Variants in CNTNAP2 observed in about 807,000 individuals in gnomAD.
The protein encoded by CNTNAP2 is contactin associated protein 2.
A neutral mutation model predicts 155.2 loss-of-function variants in CNTNAP2; 98 were observed. That is an observed-to-expected ratio of 0.63 (90% confidence interval 0.54 to 0.75). The LOEUF is 0.75. Ranked by LOEUF, CNTNAP2 falls within the 30% of genes least tolerant of loss-of-function variation. The probability of loss-of-function intolerance (pLI) is 0.00; values close to 1 mark genes in which losing one functional copy is unlikely to be tolerated. For synonymous variants in CNTNAP2, 651 were observed against 631.2 expected (o/e 1.03, Z -0.47); for missense variants, 1,727 against 1,688.1 (o/e 1.02, Z -0.40).
intron 1 of CNTNAP2, among the ~76,000 whole-genome samples, chr7:146,452,583 T>C (rs1431801139): frequency 2.0e-5 from 3 of 152,360 alleles, no homozygotes; most frequent in Non-Finnish European, 4.4e-5. Context: ...TAAGACATCT[T>C]TTGTTATCAG....
chr7:146,812,446 A>G (rs1361947945), intron 2 of CNTNAP2, among the ~76,000 whole-genome samples: 4 of 139,340 alleles, frequency 2.9e-5, no homozygotes, highest in African/African-American at 1.0e-4. Context: ...TATATAAAAA[A>G]TATATATATA....
At chr7:147,822,775 C>T (rs1798381960) in intron 13 of CNTNAP2, among the ~76,000 whole-genome samples, 2 of 152,156 alleles carry the variant, frequency 1.3e-5, no homozygotes, top group South Asian at 2.1e-4. Context: ...ATGTATATGA[C>T]ATCGCTAAGA....
chr7:147,203,644 T>C (rs549557012), intron 8 of CNTNAP2, among the ~76,000 whole-genome samples: 1 of 152,324 alleles, frequency 6.6e-6, no homozygotes, highest in Admixed American at 6.5e-5. Flanking sequence ...TAAAACTATA[T>C]TATTAAAGTA....
chr7:146,166,376 A>C (rs1214251839), intron 1 of CNTNAP2, among the ~76,000 whole-genome samples: 2 of 152,160 alleles, frequency 1.3e-5, no homozygotes, highest in African/African-American at 4.8e-5. Context: ...TACAGGCGTG[A>C]GCCACCACAC....
intron 9 of CNTNAP2, among the ~76,000 whole-genome samples, chr7:147,321,945 A>G (rs745944600): frequency 5.9e-5 from 9 of 152,204 alleles, no homozygotes; most frequent in Admixed American, 2.0e-4. Flanking sequence ...TAACAAGATG[A>G]AGATTTCTTC....
chr7:146,498,888 A>G (rs1439149920), intron 1 of CNTNAP2, among the ~76,000 whole-genome samples: 1 of 152,208 alleles, frequency 6.6e-6, no homozygotes, highest in Non-Finnish European at 1.5e-5. Context: ...AAGAGCACTA[A>G]TGTGTTAATC....
chr7:146,356,401 G>A (rs1794998565), intron 1 of CNTNAP2, among the ~76,000 whole-genome samples: 1 of 152,084 alleles, frequency 6.6e-6, no homozygotes, highest in South Asian at 2.1e-4. Flanking sequence ...ATAGCTTCAA[G>A]GTTTAACCGA....
chr7:147,656,785 A>T (rs1311856953), intron 13 of CNTNAP2, among the ~76,000 whole-genome samples: 4 of 152,020 alleles, frequency 2.6e-5, no homozygotes, highest in Non-Finnish European at 4.4e-5. Flanking sequence ...CAACAAAAAA[A>T]CCCGATGCCA....
Position 148,415,452 on chromosome 7 carries a change from A to G in CNTNAP2, c.3832A>G (p.Thr1278Ala), listed in dbSNP as rs776878306. 1 of 1,614,056 alleles carries G rather than the reference A, an allele frequency of 6.2e-7. No homozygotes were observed. The highest frequency in any genetic ancestry group is 1.1e-5 in the South Asian group (1 of 91,078). ...IAVVIFTILC[T>A]LVFLIRYMFR... ...TGTGGTGATTTTCACCATCCTGTGC[A>G]CCCTGGTCTTCCTGATCCGGTACAT... Residue 1278 changes from threonine to alanine, a missense_variant, in exon 24 of 24, where the codon ACC becomes GCC. Physicochemically the swap from Thr to Ala is moderately conservative, Grantham distance 58. Transcript: ENST00000361727.
At chr7:147,925,134 GAA>G (rs1491587171) in intron 14 of CNTNAP2, among the ~76,000 whole-genome samples, 2 of 44,870 alleles carry the variant, frequency 4.5e-5, no homozygotes, top group Non-Finnish European at 8.0e-5. Context: ...GAGAAAGAGA[GAA>G]GAGAGAGAGA....
chr7:147,993,301 T>C (rs1228231493), intron 15 of CNTNAP2, among the ~76,000 whole-genome samples: 1 of 152,256 alleles, frequency 6.6e-6, no homozygotes, highest in Non-Finnish European at 1.5e-5. Context: ...GCCAAGAAGA[T>C]ACTCTGTTGT....
At chr7:147,598,497 G>A (rs988367136) in intron 12 of CNTNAP2, among the ~76,000 whole-genome samples, 5 of 152,068 alleles carry the variant, frequency 3.3e-5, no homozygotes, top group African/African-American at 1.2e-4. Flanking sequence ...CCATGTCCCT[G>A]CAAAGGACAT....
At chr7:147,304,892 C>G (rs1171206324) in intron 9 of CNTNAP2, among the ~76,000 whole-genome samples, 1 of 152,082 alleles carries the variant, frequency 6.6e-6, no homozygotes, top group Non-Finnish European at 1.5e-5. Flanking sequence ...CGGGCAGATT[C>G]CACGTCTGCT....
intron 8 of CNTNAP2, among the ~76,000 whole-genome samples, chr7:147,155,794 G>T (rs1801913170): frequency 6.6e-6 from 1 of 152,020 alleles, no homozygotes; most frequent in Non-Finnish European, 1.5e-5. Flanking sequence ...ATATTAGTGG[G>T]GAAAGGTGCC....
chr7:146,167,042 C>T (rs925775068), intron 1 of CNTNAP2, among the ~76,000 whole-genome samples: 1 of 152,108 alleles, frequency 6.6e-6, no homozygotes, highest in African/African-American at 2.4e-5. Context: ...AGACATGAAG[C>T]TGGGGAATTT....
chr7:148,236,359 C>T (rs1357566082), intron 20 of CNTNAP2, among the ~76,000 whole-genome samples: 1 of 152,168 alleles, frequency 6.6e-6, no homozygotes, highest in African/African-American at 2.4e-5. Context: ...ATCTTACTGC[C>T]CCATTGTTGG....
At position 148,395,525 on chromosome 7, in the gene CNTNAP2, A is replaced by ACTGAGAGAATAGACTTGG. The variant is rs1339712576; in HGVS notation, c.3715+11639_3715+11656dup. The stretch of plus-strand genomic sequence containing the variant: ...TAAGTTGCCAAAGCCTTCCCACATC[A>ACTGAGAGAATAGACTTGG]CTGAGAGAATAGACTTGGCAGGCTT... On this transcript the variant is annotated intron_variant, in intron 22 of 23. Transcript: ENST00000361727. Among the ~76,000 whole-genome samples, 4 of 152,266 alleles carry ACTGAGAGAATAGACTTGG rather than the reference A, an allele frequency of 2.6e-5. No homozygotes were observed. The East Asian group carries it at 5.8e-4, about 22-fold the overall frequency.
Position 147,775,325 on chromosome 7 carries a change from ATATATATTTATAAATATATATATT to A in CNTNAP2, c.2099-128232_2099-128209del, listed in dbSNP as rs1563084579. On this transcript the variant is annotated intron_variant, in intron 13 of 23. Coordinates refer to ENST00000361727, the MANE Select transcript of CNTNAP2 (RefSeq NM_014141.6). ...TATATTTATAAATATATATATATTTATATATATTTATAAATATATATATTTATATATATTTATAAATATATATAT... is the reference window on the plus strand; with the variant it reads ...TATATTTATAAATATATATATATTTATATATATATTTATAAATATATATAT... Among the ~76,000 whole-genome samples the A allele has an allele frequency of 4.1e-4, 21 of 51,714 alleles. 1 individual carries two copies. The highest frequency in any genetic ancestry group is 1.6e-3 in the African/African-American group (12 of 7,688). The allele number at this position is 51,714 out of a possible 152,430, so 33.9% of individuals were successfully genotyped here. A position where few individuals can be genotyped will look rare whatever the true frequency, so the allele number is the denominator to read the frequency against.
intron 1 of CNTNAP2, among the ~76,000 whole-genome samples, chr7:146,552,567 T>C (rs1798137898): frequency 6.6e-6 from 1 of 152,156 alleles, no homozygotes; most frequent in African/African-American, 2.4e-5. Context: ...AAGATCCTGT[T>C]AATTTAAGTC....
Sources: gnomAD v4.1 joint callset for allele counts (sites outside exome capture counted in the v4.1 genomes callset) on GRCh38, gnomAD v4.1.1 for gene constraint, MANE v1.5 for transcripts, NCBI Gene and HGNC (gene_info 2026-07-23, HGNC 2026-07-21) for gene names.